The following CSMD3 variants were observed in gnomAD, a reference collection of about 807,000 sequenced individuals.
CSMD3 encodes CUB and Sushi multiple domains 3.
Under a neutral mutation model 435.2 loss-of-function variants are expected in CSMD3, and 177 were observed. The ratio of observed to expected loss-of-function variants is 0.41; its 90% confidence interval spans 0.36 to 0.46. CSMD3 has a LOEUF of 0.46. CSMD3 is among the 20% of genes least tolerant of loss of function. CSMD3 has a pLI of 0.34. For missense variants in CSMD3, 4,265 were observed against 4,504.6 expected, an observed-to-expected ratio of 0.95 and a Z score of 1.52; for synonymous variants, 1,656 against 1,520.5, an observed-to-expected ratio of 1.09 and a Z score of -2.07.
In CSMD3 at chr8:113,173,885, A is replaced by C. The variant is rs752241471; in HGVS notation, c.546T>G (p.Gly182=). The stretch of plus-strand genomic sequence containing the variant: ...CATATAATACACCTTTGGGTGGAAC[A>C]CCAGGATTTCCACAAGAGCTACTCT... ...ELQSSSCGNP[G]VPPKGVLYGT... is the part of the protein sequence containing the mutation. Residue 182 remains glycine, a synonymous_variant, in exon 4 of 71, where the codon GGT becomes GGG. Coordinates refer to ENST00000297405, the MANE Select transcript of CSMD3 (RefSeq NM_198123.2). 2 of 1,613,798 alleles carry C rather than the reference A, an allele frequency of 1.2e-6. No individual in the cohort carries two copies. The highest frequency in any genetic ancestry group is 1.7e-6 in the Non-Finnish European group (2 of 1,179,780).
chr8:112,968,266 G>T (rs1381154765), intron 7 of CSMD3, among the ~76,000 whole-genome samples: 1 of 151,834 alleles, frequency 6.6e-6, no homozygotes, highest in Non-Finnish European at 1.5e-5. Flanking sequence ...AATATAAAGT[G>T]ATGGTAAATA....
chr8:113,057,425 CTTCTT>C (rs1181666232), intron 5 of CSMD3, among the ~76,000 whole-genome samples: 1 of 151,600 alleles, frequency 6.6e-6, no homozygotes, highest in African/African-American at 2.4e-5. Context: ...AAATTTAACT[CTTCTT>C]TTTCAGTCAA....
At chr8:112,333,793 A>G (rs912920442) in intron 45 of CSMD3, among the ~76,000 whole-genome samples, 2 of 152,106 alleles carry the variant, frequency 1.3e-5, no homozygotes, top group African/African-American at 4.8e-5. Flanking sequence ...GTGGATATTT[A>G]TAGTTCATCA....
At chr8:112,437,873 A>G (rs1814548209) in intron 32 of CSMD3, among the ~76,000 whole-genome samples, 1 of 152,218 alleles carries the variant, frequency 6.6e-6, no homozygotes, top group Admixed American at 6.5e-5. Flanking sequence ...CAATTAACTT[A>G]TACGTCAGCG....
intron 6 of CSMD3, among the ~76,000 whole-genome samples, chr8:112,983,609 A>G (rs965639686): frequency 3.3e-5 from 5 of 150,794 alleles, no homozygotes; most frequent in Non-Finnish European, 5.9e-5. Flanking sequence ...TTTATTATTA[A>G]GTTTTCTTCC....
intron 13 of CSMD3, among the ~76,000 whole-genome samples, chr8:112,778,702 G>A (rs1403906925): frequency 6.6e-6 from 1 of 151,932 alleles, no homozygotes; most frequent in African/African-American, 2.4e-5. Flanking sequence ...ATTTCAAGGA[G>A]CATGACTGCT....
intron 6 of CSMD3, among the ~76,000 whole-genome samples, chr8:112,978,051 G>A (rs925176408): frequency 7.2e-5 from 11 of 151,914 alleles, no homozygotes; most frequent in African/African-American, 1.4e-4. Context: ...TGTCCTCCTA[G>A]AGTTTAATTG....
chr8:112,832,484 C>T (rs1190605833), intron 11 of CSMD3, among the ~76,000 whole-genome samples: 1 of 152,008 alleles, frequency 6.6e-6, no homozygotes, highest in Admixed American at 6.6e-5. Context: ...AATGAGAGAT[C>T]AAAAAACAAG....
intron 13 of CSMD3, among the ~76,000 whole-genome samples, chr8:112,713,127 C>A (rs961162428): frequency 1.4e-4 from 21 of 151,980 alleles, no homozygotes; most frequent in African/African-American, 4.1e-4. Flanking sequence ...GTGCAGCAGC[C>A]CACCTGAGAG....
intron 22 of CSMD3, among the ~76,000 whole-genome samples, chr8:112,596,341 T>A (rs1347614310): frequency 1.3e-5 from 2 of 152,076 alleles, no homozygotes; most frequent in Non-Finnish European, 2.9e-5. Flanking sequence ...ATGCACCCAA[T>A]ACAGGAGCAC....
At chr8:112,870,522 C>A (rs960739975) in intron 10 of CSMD3, among the ~76,000 whole-genome samples, 2 of 151,854 alleles carry the variant, frequency 1.3e-5, no homozygotes, top group African/African-American at 4.8e-5. Flanking sequence ...GTGATCCACC[C>A]ACCTCGGCCT....
chr8:112,910,304 C>T (rs1028651992), intron 10 of CSMD3, among the ~76,000 whole-genome samples: 1 of 151,678 alleles, frequency 6.6e-6, no homozygotes, highest in Non-Finnish European at 1.5e-5. Flanking sequence ...GGTGACTTCC[C>T]TGACCTCCCT....
At chr8:112,342,975 ATATATATATATTTATATATATATATT>A (rs1396823628) in intron 41 of CSMD3, among the ~76,000 whole-genome samples, 820 of 70,254 alleles carry the variant, frequency 0.012, 10 homozygotes, top group African/African-American at 0.034. Context: ...AATGTATTAT[ATATATATATATTTATATATATATATT>A]TATATATATA....
intron 3 of CSMD3, among the ~76,000 whole-genome samples, chr8:113,273,843 C>G (rs2132432926): frequency 6.6e-6 from 1 of 152,140 alleles, no homozygotes; most frequent in African/African-American, 2.4e-5. Flanking sequence ...TCAGGTATAG[C>G]TAATACAGAG....
chr8:113,354,679 G>T (rs578099799), intron 1 of CSMD3, among the ~76,000 whole-genome samples: 34 of 152,060 alleles, frequency 2.2e-4, no homozygotes, highest in Non-Finnish European at 4.0e-4. Flanking sequence ...CAACTCTGTT[G>T]CCCAGGCTGG....
At chr8:113,220,128 A>G (rs1304748363) in intron 3 of CSMD3, among the ~76,000 whole-genome samples, 8 of 151,478 alleles carry the variant, frequency 5.3e-5, no homozygotes, top group African/African-American at 1.9e-4. Context: ...TCTGTTAGTG[A>G]GGTTGTAGGA....
At chr8:113,111,538 A>C (rs1293181457) in intron 4 of CSMD3, among the ~76,000 whole-genome samples, 2 of 151,650 alleles carry the variant, frequency 1.3e-5, no homozygotes, top group Non-Finnish European at 2.9e-5. Context: ...ACATTTCCCC[A>C]GTTTTGCTTG....
intron 13 of CSMD3, among the ~76,000 whole-genome samples, chr8:112,788,127 C>A (rs1178431625): frequency 6.6e-6 from 1 of 152,054 alleles, no homozygotes; most frequent in Non-Finnish European, 1.5e-5. Flanking sequence ...TTAAAAAAGT[C>A]TCTTTCAGCT....
intron 20 of CSMD3, among the ~76,000 whole-genome samples, chr8:112,639,554 C>T (rs994793268): frequency 2.6e-5 from 4 of 152,124 alleles, no homozygotes; most frequent in East Asian, 3.9e-4. Flanking sequence ...CAACACCCAG[C>T]GCCTTCTTTA....
Sources: gnomAD v4.1 joint callset for allele counts (sites outside exome capture counted in the v4.1 genomes callset) on GRCh38, gnomAD v4.1.1 for gene constraint, MANE v1.5 for transcripts, NCBI Gene and HGNC (gene_info 2026-07-23, HGNC 2026-07-21) for gene names.